SSC5D: variants seen among roughly 807,000 people sequenced by gnomAD.
SSC5D encodes soluble scavenger receptor cysteine-rich domain-containing protein SSC5D.
Under a neutral mutation model 104.6 loss-of-function variants are expected in SSC5D, and 106 were observed. The ratio of observed to expected loss-of-function variants is 1.01; its 90% CI spans 0.87 to 1.19. The LOEUF is 1.19. Ranked by LOEUF, SSC5D falls within the 50% of genes most tolerant of loss-of-function variation. SSC5D has a pLI of 0.00. For missense variants in SSC5D, 1,993 were observed against 2,153.8 expected, an observed-to-expected ratio of 0.93 and a Z score of 1.48; for synonymous variants, 860 against 883.5, an observed-to-expected ratio of 0.97 and a Z score of 0.47.
chr19:55,489,121 T>C (rs1987052308), intron 2 of SSC5D, 89 bp downstream of exon 2: 3 of 870,334 alleles, frequency 3.4e-6, no homozygotes, highest in Admixed American at 4.8e-5. Context: ...CCCCACTGGG[T>C]CCCCGGCCCA....
intron 2 of SSC5D, 67 bp downstream of exon 2, chr19:55,489,099 G>A: frequency 1.1e-6 from 1 of 895,736 alleles, no homozygotes; most frequent in Non-Finnish European, 1.5e-6. Context: ...GCCCATCCAG[G>A]CCTGGCCTCA....
intron 13 of SSC5D, among the ~76,000 whole-genome samples, chr19:55,516,492 A>G (rs1190052855): frequency 1.3e-5 from 2 of 149,882 alleles, no homozygotes; most frequent in African/African-American, 2.5e-5. Flanking sequence ...GCGAGACTCC[A>G]TCTCAAAAAA....
At chr19:55,499,754 G>C in intron 9 of SSC5D, 62 bp from the exon 10 acceptor site, 1 of 1,320,902 alleles carries the variant, frequency 7.6e-7, no homozygotes, top group Non-Finnish European at 1.0e-6. Context: ...GGAGGGGCCT[G>C]GGTAGATGAT....
chr19:55,509,105 G>T (rs1987698555), intron 12 of SSC5D, among the ~76,000 whole-genome samples: 1 of 152,182 alleles, frequency 6.6e-6, no homozygotes, highest in South Asian at 2.1e-4. Context: ...ATCTGCTGGG[G>T]TCTGGAGCTG....
chr19:55,495,886 C>T (rs1203775445), intron 8 of SSC5D, among the ~76,000 whole-genome samples: 1 of 150,950 alleles, frequency 6.6e-6, no homozygotes, highest in Non-Finnish European at 1.5e-5. Context: ...CAGCTGCATG[C>T]CACCGAGCCT....
intron 12 of SSC5D, among the ~76,000 whole-genome samples, chr19:55,511,075 G>A (rs921752757): frequency 2.6e-5 from 4 of 152,142 alleles, no homozygotes; most frequent in Admixed American, 6.5e-5. Flanking sequence ...CACCACACCC[G>A]GCCATTACCA....
intron 9 of SSC5D, 75 bp downstream of exon 9, chr19:55,498,272 C>T: frequency 6.9e-7 from 1 of 1,451,314 alleles, no homozygotes; most frequent in East Asian, 2.5e-5. Context: ...TGGGCACTAA[C>T]ATTGATTGAG....
rs530256207 is a variant in SSC5D, at chr19:55,493,893, C to T, written c.1194C>T (p.Asp398=). The T allele has an allele frequency of 1.4e-4, 211 of 1,504,202 alleles. No individual in the cohort carries two copies. Among genetic ancestry groups the T allele is most frequent in the Non-Finnish European group, 1.8e-4 (196 of 1,119,858 alleles). 93.2% of individuals were successfully genotyped at this position (1,504,202 alleles called of 1,614,324 possible). ...WGQHDCHHRE[D]AGAVCDGMPL... is the part of the protein sequence containing the mutation. ...AGCATGACTGTCACCACCGCGAGGA[C>T]GCCGGGGCCGTGTGTGACGGTGAGG... The change falls in exon 7 of 14, where the codon GAC becomes GAT. Residue 398 remains aspartate, a synonymous_variant. Transcript: ENST00000389623.
intron 2 of SSC5D, 25 bp downstream of exon 2, chr19:55,489,057 T>TGGGCGGGC: frequency 8.0e-7 from 1 of 1,247,978 alleles, no homozygotes; most frequent in Non-Finnish European, 1.0e-6. Context: ...TCCTCCCATC[T>TGGGCGGGC]GCCCGCCCCC....
Position 55,489,527 on chromosome 19 carries a change from G to T in SSC5D, c.226G>T (p.Gly76Trp). ...GGCCGCCCCGGGAGGCGCCTTCTTC[G>T]GGGAGGGGGCAGGGCCTGTGTGGCT... Reference protein sequence around the residue: ...ALAAPGGAFFGEGAGPVWLSE... With the variant: ...ALAAPGGAFFWEGAGPVWLSE... Residue 76 changes from glycine to tryptophan, a missense_variant, in exon 3 of 14, where the codon GGG becomes TGG. By Grantham distance (184) the Gly-to-Trp change is radical. This residue lies in a region of SSC5D where 1,101 missense variants were observed against 1,085.0 expected (regional missense o/e 1.01). Transcript: ENST00000389623. The T allele has an allele frequency of 6.8e-7, 1 of 1,468,708 alleles. No homozygotes were observed. Among genetic ancestry groups the T allele is most frequent in the Non-Finnish European group, 9.0e-7 (1 of 1,117,068 alleles). 91.0% of individuals were successfully genotyped at this position (1,468,708 alleles called of 1,614,324 possible). A position where few individuals can be genotyped will look rare whatever the true frequency, so the allele number is the denominator to read the frequency against.
chr19:55,499,567 C>T (rs1408114467), intron 9 of SSC5D, among the ~76,000 whole-genome samples: 1 of 152,056 alleles, frequency 6.6e-6, no homozygotes, highest in Non-Finnish European at 1.5e-5. Flanking sequence ...GTGAGGGGGT[C>T]AGTTATGTCC....
At position 55,518,780 on chromosome 19, in the gene SSC5D, G is replaced by A. The variant is rs571012448; in HGVS notation, c.4504G>A (p.Gly1502Ser). 168 of 1,550,706 alleles carry A rather than the reference G, an allele frequency of 1.1e-4. No homozygotes were observed. In the East Asian group the frequency reaches 3.8e-3, roughly 35 times the overall value. Reference sequence around the variant, plus strand: ...GGTGGCTGCTGTGAGGGATGTGGGTGGTCAGCTGCAGAGACTGACCCAGGT... The same window carrying A: ...GGTGGCTGCTGTGAGGGATGTGGGTAGTCAGCTGCAGAGACTGACCCAGGT... ...ELVAAVRDVG[G>S]QLQRLTQVVE... is the part of the protein sequence containing the mutation. The change falls in exon 14 of 14, where the codon GGT becomes AGT. Residue 1502 changes from glycine (G) to serine (S), a missense_variant. Coordinates refer to ENST00000389623, the MANE Select transcript of SSC5D (RefSeq NM_001144950.2).
Position 55,491,033 on chromosome 19 carries a change from G to T in SSC5D, c.848G>T (p.Gly283Val), listed in dbSNP as rs1362048583. 2 of 1,550,150 alleles carry T rather than the reference G, an allele frequency of 1.3e-6. No homozygotes were observed. The highest frequency in any genetic ancestry group is 2.7e-5 in the African/African-American group (2 of 73,020). ...ALRDCPRSPW[G>V]RSNCDHSEDA... ...CGAGACTGCCCCCGAAGCCCCTGGG[G>T]CCGGAGCAACTGTGACCACAGCGAG... Residue 283 changes from glycine to valine, a missense_variant, in exon 6 of 14, where the codon GGC becomes GTC. By Grantham distance (109) the Gly-to-Val change is moderately radical (BLOSUM62 -3). Coordinates refer to ENST00000389623, the MANE Select transcript of SSC5D (RefSeq NM_001144950.2).
Position 55,513,106 on chromosome 19 carries a change from A to G in SSC5D, c.2881A>G (p.Thr961Ala), listed in dbSNP as rs1481441330. ...GTPTAGKLGP[T>A]LGAGTTRSPG... ...CCCTACCGCAGGCAAACTAGGACCA[A>G]CTCTTGGGGCTGGCACCACCAGGAG... Residue 961 changes from threonine (T) to alanine (A), a missense_variant, in exon 13 of 14, where the codon ACT (threonine) becomes GCT (alanine). This residue lies in a region of SSC5D where 423 missense variants were observed against 409.2 expected (regional missense o/e 1.03). Transcript: ENST00000389623. 1.9e-6 allele frequency: 3 copies of G among 1,546,886 alleles called. No individual in the cohort carries two copies. The highest frequency in any genetic ancestry group is 2.5e-5 in the East Asian group (1 of 40,814).
chr19:55,517,586 A>G lies in SSC5D; in HGVS notation c.3310A>G (p.Thr1104Ala), dbSNP rs768054138. 1.3e-6 allele frequency: 2 copies of G among 1,551,326 alleles called. No homozygotes were observed. The highest frequency in any genetic ancestry group is 2.0e-5 in the Admixed American group (1 of 50,952). ...LPKELTSDPS[T>A]PSEVTSLSPT... is the part of the protein sequence containing the mutation. ...CAAAGAGCTGACCTCTGACCCTTCT[A>G]CACCGTCGGAGGTGACCAGCCTTTC... Residue 1104 changes from threonine (T) to alanine (A), a missense_variant, in exon 14 of 14, where the codon ACA (threonine) becomes GCA (alanine). This residue lies in a region of SSC5D where 423 missense variants were observed against 409.2 expected (regional missense o/e 1.03). Transcript: ENST00000389623.
intron 12 of SSC5D, chr19:55,504,255 G>C: frequency 6.6e-7 from 1 of 1,517,514 alleles, no homozygotes; most frequent in South Asian, 1.2e-5. Flanking sequence ...CAGCGGGTCC[G>C]GCCTCGGGAC....
intron 8 of SSC5D, among the ~76,000 whole-genome samples, chr19:55,495,844 G>A (rs1283400382): frequency 1.3e-5 from 2 of 151,544 alleles, no homozygotes; most frequent in African/African-American, 4.9e-5. Flanking sequence ...CTGGGCTCAA[G>A]TGATCCTCCC....
Position 55,489,120 on chromosome 19 carries a change from G to A in SSC5D, c.52+88G>A, listed in dbSNP as rs1987052169. On this transcript the variant is annotated intron_variant, in intron 2 of 13. Transcript: ENST00000389623. ...CCAGGCCTGGCCTCACCCCCACTGG[G>A]TCCCCGGCCCATCCGAATTCCACTG... 5 of 972,554 alleles carry A rather than the reference G, an allele frequency of 5.1e-6. No homozygotes were observed. In the East Asian group the frequency reaches 1.3e-4, roughly 26 times the overall value. The allele number at this position is 972,554 out of a possible 1,614,324, so 60.2% of individuals were successfully genotyped here. A position where few individuals can be genotyped will look rare whatever the true frequency, so the allele number is the denominator to read the frequency against.
At chr19:55,510,960 G>A (rs184243359) in intron 12 of SSC5D, among the ~76,000 whole-genome samples, 1,962 of 152,050 alleles carry the variant, frequency 0.013, 41 homozygotes, top group African/African-American at 0.044. Flanking sequence ...TGTATTTTTC[G>A]TAGAGACAGG....
Sources: allele counts gnomAD v4.1 joint callset (sites outside exome capture counted in the v4.1 genomes callset), GRCh38; gene constraint gnomAD v4.1.1; regional missense constraint gnomAD v4.1.1; transcripts MANE v1.5; gene names NCBI Gene and HGNC (gene_info 2026-07-23, HGNC 2026-07-21).